Variants in FAM13A observed in about 807,000 individuals in gnomAD.
FAM13A encodes protein FAM13A.
A neutral mutation model predicts 129.6 loss-of-function variants in FAM13A; 76 were observed. The observed-to-expected ratio is 0.59, with a 90% CI of 0.49 to 0.71. The LOEUF is 0.71. Among genes scored for constraint, FAM13A ranks in the 30% least tolerant of loss-of-function variants. FAM13A has a pLI of 0.00. For synonymous variants in FAM13A, 443 were observed against 449.9 expected, an observed-to-expected ratio of 0.98 and a Z score of 0.20; for missense variants, 1,108 against 1,249.3, an observed-to-expected ratio of 0.89 and a Z score of 1.70.
At chr4:88,880,773 C>T (rs1023942612) in intron 6 of FAM13A, among the ~76,000 whole-genome samples, 27 of 1,344 alleles carry the variant, frequency 0.02, no homozygotes, top group East Asian at 0.054. Flanking sequence ...GCGGGTGGTG[C>T]GGTGGGGGGC....
At chr4:88,781,915 C>T (rs1421718767) in intron 10 of FAM13A, among the ~76,000 whole-genome samples, 3 of 150,990 alleles carry the variant, frequency 2.0e-5, no homozygotes, top group South Asian at 2.1e-4. Context: ...GGGTGCAGCA[C>T]ACCAACATGG....
chr4:89,000,129 C>T (rs1197268835), intron 3 of FAM13A, among the ~76,000 whole-genome samples: 1 of 152,086 alleles, frequency 6.6e-6, no homozygotes, highest in Non-Finnish European at 1.5e-5. Flanking sequence ...TATAATCTTT[C>T]TAAAACTATG....
intron 4 of FAM13A, among the ~76,000 whole-genome samples, chr4:88,945,879 AC>A (rs1297333783): frequency 8.1e-6 from 1 of 123,650 alleles, no homozygotes; most frequent in African/African-American, 3.2e-5. Flanking sequence ...ATACATATAT[AC>A]TATGTATTCT....
chr4:88,959,570 G>A lies in FAM13A; in HGVS notation c.606-21329C>T, dbSNP rs145998872. On this transcript the variant is annotated intron_variant, in intron 4 of 23. Coordinates refer to ENST00000264344, the MANE Select transcript of FAM13A (RefSeq NM_014883.4). ...AATTATAAGTTTCCTGAGGCTTCCC[G>A]AGAAGCCCAGCTGATGCCAGTACCA... is the stretch of plus-strand genomic sequence containing the variant. 6.2e-3 allele frequency among the ~76,000 whole-genome samples: 946 copies of A among 152,212 alleles called. 6 individuals carry two copies. The highest frequency in any genetic ancestry group is 0.02 in the Middle Eastern group (6 of 294).
At position 89,020,549 on chromosome 4, in the gene FAM13A, G is replaced by A. The variant is rs1487729651; in HGVS notation, c.338C>T (p.Ala113Val). 2.5e-6 allele frequency: 4 copies of A among 1,614,052 alleles called. No homozygotes were observed. Among genetic ancestry groups the A allele is most frequent in the Non-Finnish European group, 3.4e-6 (4 of 1,179,974 alleles). ...ELGKDGDVCS[A>V]ASLLKLFLRE... is the part of the protein sequence containing the mutation. ...CAGAAACAGCTTCAACAGACTGGCT[G>A]CTGAGCAGACATCACCGTCCTTCCC... Residue 113 changes from alanine to valine, a missense_variant, in exon 3 of 24, where the codon GCA becomes GTA. By Grantham distance (64) the Ala-to-Val change is moderately conservative. Around this residue, in one of 3 missense-constraint regions of FAM13A, gnomAD observed 566 missense variants for 595.7 expected, o/e 0.95. Transcript: ENST00000264344.
At chr4:89,016,204 C>T (rs1249296723) in intron 3 of FAM13A, among the ~76,000 whole-genome samples, 1 of 146,462 alleles carries the variant, frequency 6.8e-6, no homozygotes, top group Non-Finnish European at 1.5e-5. Context: ...AAAAAAAACA[C>T]AATTTTACAA....
chr4:88,915,052 G>A (rs1749877903), intron 5 of FAM13A, among the ~76,000 whole-genome samples: 1 of 152,208 alleles, frequency 6.6e-6, no homozygotes, highest in Non-Finnish European at 1.5e-5. Flanking sequence ...GCAGAAGACA[G>A]AGAGCAATAC....
chr4:88,988,893 A>G (rs541902566), intron 4 of FAM13A, among the ~76,000 whole-genome samples: 1 of 152,324 alleles, frequency 6.6e-6, no homozygotes, highest in South Asian at 2.1e-4. Flanking sequence ...AATTTGAATG[A>G]ATTATTGTAT....
intron 4 of FAM13A, among the ~76,000 whole-genome samples, chr4:88,941,988 C>A (rs1754837013): frequency 6.6e-6 from 1 of 152,098 alleles, no homozygotes; most frequent in South Asian, 2.1e-4. Flanking sequence ...GCCATCTTGG[C>A]TCTAAGACCC....
intron 5 of FAM13A, among the ~76,000 whole-genome samples, chr4:88,912,066 C>G (rs1024202647): frequency 6.6e-6 from 1 of 152,224 alleles, no homozygotes. Flanking sequence ...CTTCTCTTAG[C>G]TTCCATGACA....
intron 4 of FAM13A, among the ~76,000 whole-genome samples, chr4:88,941,736 C>G (rs1754791297): frequency 6.6e-6 from 1 of 152,158 alleles, no homozygotes; most frequent in South Asian, 2.1e-4. Flanking sequence ...GTAAGTTCCT[C>G]TCAGGTCTGG....
intron 5 of FAM13A, among the ~76,000 whole-genome samples, chr4:88,920,384 G>A (rs1034476155): frequency 7.2e-5 from 11 of 152,148 alleles, no homozygotes; most frequent in South Asian, 2.1e-4. Context: ...AGCAGCATTC[G>A]CGGTTCACGA....
chr4:88,822,118 AAAT>A (rs1732071836), intron 7 of FAM13A, among the ~76,000 whole-genome samples: 1 of 152,164 alleles, frequency 6.6e-6, no homozygotes, highest in Non-Finnish European at 1.5e-5. Flanking sequence ...TAGTTTTCCT[AAAT>A]GAAACATTTC....
chr4:88,811,031 C>T (rs543154589), intron 7 of FAM13A, among the ~76,000 whole-genome samples: 7 of 152,268 alleles, frequency 4.6e-5, no homozygotes, highest in African/African-American at 1.7e-4. Context: ...CTATATAATG[C>T]ACACTGAATG....
intron 7 of FAM13A, among the ~76,000 whole-genome samples, chr4:88,810,222 C>A (rs987258960): frequency 2.0e-5 from 3 of 151,998 alleles, no homozygotes; most frequent in African/African-American, 4.8e-5. Flanking sequence ...AGATTTTATT[C>A]CAATATGATA....
chr4:88,950,375 A>T (rs1756750434), intron 4 of FAM13A, among the ~76,000 whole-genome samples: 1 of 152,130 alleles, frequency 6.6e-6, no homozygotes, highest in Non-Finnish European at 1.5e-5. Context: ...TAAAAATTGG[A>T]TCAAATTTAA....
intron 6 of FAM13A, among the ~76,000 whole-genome samples, chr4:88,895,747 A>G (rs1254589841): frequency 3.1e-5 from 3 of 95,372 alleles, no homozygotes; most frequent in Non-Finnish European, 2.1e-5. Flanking sequence ...TTAGAATGGC[A>G]ATCATTAAAA....
intron 2 of FAM13A, among the ~76,000 whole-genome samples, chr4:89,025,097 G>A (rs1767750515): frequency 6.6e-6 from 1 of 152,082 alleles, no homozygotes; most frequent in Non-Finnish European, 1.5e-5. Flanking sequence ...TTGATGGTGT[G>A]AGTGTAAATT....
At chr4:89,025,136 A>G (rs17014939) in intron 2 of FAM13A, among the ~76,000 whole-genome samples, 2,234 of 151,990 alleles carry the variant, frequency 0.015, 59 homozygotes, top group African/African-American at 0.051. Context: ...TTCATTACAC[A>G]TGCACATATC....
Sources: gnomAD v4.1 joint callset for allele counts (sites outside exome capture counted in the v4.1 genomes callset) on GRCh38, gnomAD v4.1.1 for gene constraint, gnomAD v4.1.1 regional missense constraint, MANE v1.5 for transcripts, NCBI Gene and HGNC (gene_info 2026-07-23, HGNC 2026-07-21) for gene names.